BLVRA: variants seen among roughly 807,000 people sequenced by gnomAD.
BLVRA encodes BVR A.
Under a neutral mutation model 32.8 loss-of-function variants are expected in BLVRA, and 22 were observed. The observed-to-expected ratio is 0.67, with a 90% CI of 0.48 to 0.96. BLVRA has a LOEUF of 0.96. Ranked by LOEUF, BLVRA falls within the 40% of genes least tolerant of loss-of-function variation. BLVRA has a pLI of 0.00. For missense variants in BLVRA, 323 were observed against 358.1 expected (o/e 0.90, Z 0.79); for synonymous variants, 119 against 141.3 (o/e 0.84, Z 1.12).
intron 1 of BLVRA, among the ~76,000 whole-genome samples, chr7:43,765,361 C>T (rs561764372): frequency 6.6e-6 from 1 of 152,114 alleles, no homozygotes; most frequent in African/African-American, 2.4e-5. Flanking sequence ...AAGCAATTCT[C>T]ATGTCTCAGC....
At chr7:43,767,255 C>T (rs2095749240) in intron 1 of BLVRA, 3 of 811,834 alleles carry the variant, frequency 3.7e-6, no homozygotes, top group East Asian at 2.5e-5. Flanking sequence ...AGCAAGTAGC[C>T]TGCCACCGAG....
intron 1 of BLVRA, among the ~76,000 whole-genome samples, chr7:43,762,906 C>G (rs184872958): frequency 6.6e-6 from 1 of 152,154 alleles, no homozygotes; most frequent in Admixed American, 6.5e-5. Context: ...CATGAGCCAC[C>G]GTGCCCGGCC....
rs1325149547 is a variant in BLVRA, at chr7:43,807,208, C to T, written c.864C>T (p.Ile288=). ...ILHCLGLAEE[I]QKYCCSRK The stretch of plus-strand genomic sequence containing the variant: ...ACTGCCTGGGGCTTGCAGAAGAAAT[C>T]CAGAAATATTGCTGTTCAAGGAAGT... Residue 288 remains isoleucine (I), a synonymous_variant, in exon 8 of 8, where the codon ATC becomes ATT. Transcript: ENST00000265523. 1.2e-6 allele frequency: 2 copies of T among 1,608,988 alleles called. No individual in the cohort carries two copies. The highest frequency in any genetic ancestry group is 2.2e-5 in the South Asian group (2 of 91,070).
At chr7:43,804,468 T>C (rs2095802067) in intron 7 of BLVRA, among the ~76,000 whole-genome samples, 1 of 152,136 alleles carries the variant, frequency 6.6e-6, no homozygotes, top group Non-Finnish European at 1.5e-5. Context: ...AAAGAAATTA[T>C]GTTAACTCTG....
chr7:43,807,102 A>G lies in BLVRA; in HGVS notation c.758A>G (p.Lys253Arg). The part of the protein sequence containing the change: ...NVGVNKNIFL[K>R]DQNIFVQKLL... ...GGAGTGAATAAGAACATATTTCTGA[A>G]AGATCAAAATATATTTGTCCAGAAA... is the stretch of plus-strand genomic sequence containing the variant. The change falls in exon 8 of 8, where the codon AAA becomes AGA. Residue 253 changes from lysine (K) to arginine (R), a missense_variant. By Grantham distance (26) the Lys-to-Arg change is conservative. Coordinates refer to ENST00000265523, the MANE Select transcript of BLVRA (RefSeq NM_000712.4). 1 of 1,614,196 alleles carries G rather than the reference A, an allele frequency of 6.2e-7. No individual in the cohort carries two copies. The highest frequency in any genetic ancestry group is 8.5e-7 in the Non-Finnish European group (1 of 1,180,038).
In BLVRA at chr7:43,800,543, A is replaced by T. The variant is rs775803262; in HGVS notation, c.431A>T (p.Asp144Val). The T allele has an allele frequency of 5.0e-6, 8 of 1,613,892 alleles. No homozygotes were observed. The African/African-American group carries it at 1.1e-4, about 22-fold the overall frequency. The change falls in exon 6 of 8, where the codon GAC becomes GTC. Residue 144 changes from aspartate to valine, a missense_variant. Coordinates refer to ENST00000265523, the MANE Select transcript of BLVRA (RefSeq NM_000712.4). ...AFLKKEVVGK[D>V]LLKGSLLFTA... The stretch of plus-strand genomic sequence containing the variant: ...CTGAAAAAAGAAGTGGTGGGGAAAG[A>T]CCTGCTGAAAGGGTCGCTCCTCTTC...
chr7:43,797,236 C>T (rs188238443), intron 5 of BLVRA, among the ~76,000 whole-genome samples: 148 of 152,334 alleles, frequency 9.7e-4, no homozygotes, highest in African/African-American at 3.4e-3. Context: ...TATAGGTGCA[C>T]ACCACCACAC....
At chr7:43,759,589 T>C (rs966212236) in intron 1 of BLVRA, among the ~76,000 whole-genome samples, 3 of 152,186 alleles carry the variant, frequency 2.0e-5, no homozygotes, top group Non-Finnish European at 2.9e-5. Context: ...GAAGAATAAG[T>C]GACTTAGCGA....
chr7:43,797,485 T>G (rs1384632297), intron 5 of BLVRA, among the ~76,000 whole-genome samples: 2 of 152,266 alleles, frequency 1.3e-5, no homozygotes, highest in Admixed American at 6.5e-5. Context: ...ACATAACTTG[T>G]GTATGAACCG....
At chr7:43,778,365 A>G (rs2132560458) in intron 2 of BLVRA, among the ~76,000 whole-genome samples, 1 of 152,378 alleles carries the variant, frequency 6.6e-6, no homozygotes, top group Admixed American at 6.5e-5. Flanking sequence ...TCTAACAGAC[A>G]GGACCCTCAG....
chr7:43,795,658 G>A (rs2095791793), intron 5 of BLVRA, among the ~76,000 whole-genome samples: 1 of 151,966 alleles, frequency 6.6e-6, no homozygotes, highest in South Asian at 2.1e-4. Flanking sequence ...ACTAGGAAAA[G>A]AAGAGCAAAC....
chr7:43,792,700 T>C lies in BLVRA; in HGVS notation c.255-15T>C, dbSNP rs752616414. The C allele has an allele frequency of 4.4e-6, 7 of 1,608,850 alleles. No individual in the cohort carries two copies. In the Admixed American group the frequency reaches 8.3e-5, roughly 19 times the overall value. ...TCGAAGTGTTCTTTCTCTGTATTTG[T>C]CTCGTTTACCAAAGGCAGTTCCTTA... On this transcript the variant is annotated splice_polypyrimidine_tract_variant and intron_variant, in intron 4 of 7. Transcript: ENST00000265523.
Position 43,789,947 on chromosome 7 carries a change from A to C in BLVRA, c.135-1302A>C, listed in dbSNP as rs1473178653. Among the ~76,000 whole-genome samples, 7 of 151,578 alleles carry C rather than the reference A, an allele frequency of 4.6e-5. No individual in the cohort carries two copies. In the East Asian group the frequency reaches 1.4e-3, roughly 29 times the overall value. On this transcript the variant is annotated intron_variant, in intron 3 of 7. Coordinates refer to ENST00000265523, the MANE Select transcript of BLVRA (RefSeq NM_000712.4). ...AGCTCATTGAAAGGCGATGATTTTA[A>C]TTTGTTCTCCATGATTTCTCCTACA...
chr7:43,760,696 A>AT (rs1309719318), intron 1 of BLVRA, among the ~76,000 whole-genome samples: 1 of 149,324 alleles, frequency 6.7e-6, no homozygotes, highest in African/African-American at 2.5e-5. Flanking sequence ...CTTTTTGTGT[A>AT]TTTAAAAAAA....
chr7:43,768,048 C>CA (rs1195459455), intron 1 of BLVRA, among the ~76,000 whole-genome samples: 1 of 152,202 alleles, frequency 6.6e-6, no homozygotes, highest in Non-Finnish European at 1.5e-5. Context: ...CCAATAATAT[C>CA]AGAGTGTATT....
In BLVRA at chr7:43,797,568, G is replaced by A. The variant is rs555827608; in HGVS notation, c.353-2897G>A. 2.0e-5 allele frequency among the ~76,000 whole-genome samples: 3 copies of A among 152,292 alleles called. No individual in the cohort carries two copies. In the East Asian group the frequency reaches 5.8e-4, roughly 29 times the overall value. ...ATTGTGGTGGTCTGGAATGAAACCT[G>A]CAGGATCTCTGAGGTATGCATGTAA... On this transcript the variant is annotated intron_variant, in intron 5 of 7. Coordinates refer to ENST00000265523, the MANE Select transcript of BLVRA (RefSeq NM_000712.4).
chr7:43,772,411 A>G (rs2095755633), intron 2 of BLVRA, among the ~76,000 whole-genome samples: 1 of 152,146 alleles, frequency 6.6e-6, no homozygotes, highest in South Asian at 2.1e-4. Context: ...CAGGTCCTGG[A>G]CCATAGTGTG....
At chr7:43,798,197 CAAAAAAAAAAA>C (rs56855757) in intron 5 of BLVRA, among the ~76,000 whole-genome samples, 1,648 of 45,238 alleles carry the variant, frequency 0.036, 27 homozygotes, top group Admixed American at 0.082. Context: ...CCCCATCTCA[CAAAAAAAAAAA>C]AAAAAAAAAA....
chr7:43,778,706 T>C (rs1396695679), intron 2 of BLVRA, among the ~76,000 whole-genome samples: 1 of 152,252 alleles, frequency 6.6e-6, no homozygotes, highest in Non-Finnish European at 1.5e-5. Flanking sequence ...AACGTTTAAG[T>C]CTGCAGAGGT....
Sources: allele counts gnomAD v4.1 joint callset (sites outside exome capture counted in the v4.1 genomes callset), GRCh38; gene constraint gnomAD v4.1.1; transcripts MANE v1.5; gene names NCBI Gene and HGNC (gene_info 2026-07-23, HGNC 2026-07-21).